Variants in KLF8 observed in about 807,000 individuals in gnomAD.
The protein encoded by KLF8 is KLF transcription factor 8.
KLF8 carries 10 observed loss-of-function variants against 18.2 expected under a neutral mutation model. That is an observed-to-expected ratio of 0.55 (90% confidence interval 0.34 to 0.93). The LOEUF (loss-of-function observed/expected upper bound fraction) is 0.93. Ranked by LOEUF, KLF8 falls within the 40% of genes least tolerant of loss-of-function variation. The pLI is 0.02. For synonymous variants in KLF8, 109 were observed against 97.3 expected (o/e 1.12, Z -0.71); for missense variants, 264 against 277.9 (o/e 0.95, Z 0.36).
the KLF8 span, among the ~76,000 whole-genome samples, chrX:55,978,247 G>A: frequency 9.0e-6 from 1 of 110,782 alleles, no homozygotes; most frequent in African/African-American, 3.3e-5. Flanking sequence ...AAAATGTAGG[G>A]AACATTATCC....
the KLF8 span, among the ~76,000 whole-genome samples, chrX:56,166,868 G>A: frequency 9.0e-6 from 1 of 111,567 alleles, no homozygotes; most frequent in Non-Finnish European, 1.9e-5. Context: ...CTCCAGATGT[G>A]ACAATTGCCA....
the KLF8 span, among the ~76,000 whole-genome samples, chrX:56,061,444 G>T: frequency 9.0e-6 from 1 of 111,634 alleles, no homozygotes; most frequent in African/African-American, 3.3e-5. Context: ...TCAGGAGCAG[G>T]TTGTTCAGTT....
chrX:56,062,762 C>T, the KLF8 span, among the ~76,000 whole-genome samples: 1 of 111,035 alleles, frequency 9.0e-6, no homozygotes, highest in Non-Finnish European at 1.9e-5. Context: ...GAGTGTTTTC[C>T]AACTTGGTTC....
the KLF8 span, among the ~76,000 whole-genome samples, chrX:56,200,842 A>G: frequency 1.8e-5 from 2 of 111,942 alleles, no homozygotes; most frequent in African/African-American, 3.2e-5. Context: ...AAACATACAA[A>G]TAGTCAAAAG....
At chrX:56,081,677 T>C in the KLF8 span, among the ~76,000 whole-genome samples, 7 of 112,095 alleles carry the variant, frequency 6.2e-5, 1 homozygote, top group African/African-American at 2.3e-4. Context: ...GGGTAGTTTT[T>C]TGTTATGAAA....
At chrX:56,050,564 G>C in the KLF8 span, among the ~76,000 whole-genome samples, 1 of 112,153 alleles carries the variant, frequency 8.9e-6, no homozygotes, top group Non-Finnish European at 1.9e-5. Flanking sequence ...CAGTTTCCAT[G>C]TAGTTGTGTG....
At chrX:56,262,790 T>G (rs752931646) in intron 2 of KLF8, among the ~76,000 whole-genome samples, 21 of 110,468 alleles carry the variant, frequency 1.9e-4, no homozygotes, top group Non-Finnish European at 2.5e-4. Context: ...ACCTGGCTAA[T>G]TTTTGCATTT....
At chrX:55,929,839 A>G in the KLF8 span, among the ~76,000 whole-genome samples, 1 of 93,964 alleles carries the variant, frequency 1.1e-5, no homozygotes, top group Non-Finnish European at 2.2e-5. Flanking sequence ...TTTTTTTTCC[A>G]CTGAGGATTG....
chrX:56,031,551 G>A, the KLF8 span, among the ~76,000 whole-genome samples: 7 of 111,691 alleles, frequency 6.3e-5, no homozygotes, highest in Middle Eastern at 4.6e-3. Flanking sequence ...GCTCTGGTGA[G>A]GCGTTCCACC....
chrX:55,908,446 C>T, the KLF8 span: 1 of 297,126 alleles, frequency 3.4e-6, no homozygotes. Context: ...GGGGTCGAGA[C>T]TGGCAGCTGA....
At chrX:56,050,519 T>G in the KLF8 span, among the ~76,000 whole-genome samples, 1 of 112,403 alleles carries the variant, frequency 8.9e-6, no homozygotes. Flanking sequence ...CTTCATTTTG[T>G]TATGTACCCA....
the KLF8 span, among the ~76,000 whole-genome samples, chrX:56,085,704 C>T: frequency 8.9e-6 from 1 of 112,136 alleles, no homozygotes; most frequent in African/African-American, 3.2e-5. Context: ...AACAGATGAA[C>T]CATAAGAAAA....
chrX:56,067,348 A>AT, the KLF8 span, among the ~76,000 whole-genome samples: 4 of 108,535 alleles, frequency 3.7e-5, no homozygotes, highest in Admixed American at 2.9e-4. Context: ...GATTTTTGTT[A>AT]TTTTTCATTT....
chrX:55,915,685 G>A, the KLF8 span, among the ~76,000 whole-genome samples: 1 of 111,930 alleles, frequency 8.9e-6, no homozygotes, highest in South Asian at 3.8e-4. Flanking sequence ...CTTGAAATGT[G>A]TGGCATCACT....
chrX:56,150,442 T>C, the KLF8 span, among the ~76,000 whole-genome samples: 1 of 112,165 alleles, frequency 8.9e-6, no homozygotes, highest in Non-Finnish European at 1.9e-5. Context: ...GTGAAAGCTA[T>C]CTGAAGGCAA....
chrX:56,144,693 C>A, the KLF8 span, among the ~76,000 whole-genome samples: 177 of 100,044 alleles, frequency 1.8e-3, 1 homozygote, highest in South Asian at 3.8e-3. Flanking sequence ...GTGGAGGTTG[C>A]AGTCAGCCGA....
the KLF8 span, among the ~76,000 whole-genome samples, chrX:55,953,288 C>T: frequency 6.3e-5 from 7 of 111,126 alleles, no homozygotes; most frequent in African/African-American, 2.3e-4. Flanking sequence ...TACAAAATGA[C>T]AGGAAGTGAG....
chrX:56,189,052 G>T, the KLF8 span, among the ~76,000 whole-genome samples: 3 of 111,612 alleles, frequency 2.7e-5, no homozygotes, highest in African/African-American at 9.8e-5. Flanking sequence ...CTTCTGCACA[G>T]CAAAAGAAAC....
the KLF8 span, among the ~76,000 whole-genome samples, chrX:56,093,054 G>A: frequency 1.2e-4 from 13 of 108,339 alleles, no homozygotes; most frequent in African/African-American, 4.0e-4. Context: ...AGAACTGTGG[G>A]ACAACTACAA....
Sources: gnomAD v4.1 joint callset for allele counts (sites outside exome capture counted in the v4.1 genomes callset) on GRCh38, gnomAD v4.1.1 for gene constraint, MANE v1.5 for transcripts, NCBI Gene and HGNC (gene_info 2026-07-23, HGNC 2026-07-21) for gene names.